WDPCP: variants seen among roughly 807,000 people sequenced by gnomAD.
WDPCP encodes WD repeat containing planar cell polarity effector, also known as WD repeat-containing and planar cell polarity effector protein fritz homolog.
Under a neutral mutation model 93.1 loss-of-function variants are expected in WDPCP, and 71 were observed. The ratio of observed to expected loss-of-function variants is 0.76; its 90% CI spans 0.63 to 0.93. WDPCP has a LOEUF of 0.93. Among genes scored for constraint, WDPCP ranks in the 40% least tolerant of loss-of-function variants. The pLI, the probability that WDPCP is intolerant of heterozygous loss-of-function variation, is 0.00. For missense variants in WDPCP, 844 were observed against 887.4 expected, an observed-to-expected ratio of 0.95 and a Z score of 0.62; for synonymous variants, 315 against 315.0, an observed-to-expected ratio of 1.00 and a Z score of 0.00.
chr2:63,569,900 T>C (rs1195705015), intron 1 of WDPCP, among the ~76,000 whole-genome samples: 1 of 152,192 alleles, frequency 6.6e-6, no homozygotes, highest in Non-Finnish European at 1.5e-5. Flanking sequence ...ACCTTCAGAC[T>C]CTCTCATATG....
chr2:63,132,751 T>G (rs1670373071), intron 17 of WDPCP, among the ~76,000 whole-genome samples: 1 of 152,114 alleles, frequency 6.6e-6, no homozygotes, highest in African/African-American at 2.4e-5. Flanking sequence ...ATTTACCTGA[T>G]TTCCTTTAGG....
At chr2:63,732,569 C>T (rs1002354208) in intron 2 of WDPCP, among the ~76,000 whole-genome samples, 2 of 151,822 alleles carry the variant, frequency 1.3e-5, no homozygotes, top group East Asian at 1.9e-4. Flanking sequence ...AACCTGAGTA[C>T]TATATAAAAA....
intron 1 of WDPCP, among the ~76,000 whole-genome samples, chr2:63,530,909 G>A (rs1484238097): frequency 6.6e-6 from 1 of 152,194 alleles, no homozygotes; most frequent in Non-Finnish European, 1.5e-5. Flanking sequence ...TCCAGGAAGT[G>A]CAAGGGGTTG....
chr2:63,599,148 C>T, intron 3 of WDPCP: 2 of 1,611,402 alleles, frequency 1.2e-6, no homozygotes, highest in Non-Finnish European at 1.7e-6. Flanking sequence ...TGTAACTCTT[C>T]AGTGCCTTCC....
chr2:63,159,666 G>A (rs1672516090), intron 15 of WDPCP, among the ~76,000 whole-genome samples: 1 of 152,152 alleles, frequency 6.6e-6, no homozygotes, highest in Non-Finnish European at 1.5e-5. Context: ...TGTGAGCTAT[G>A]GTATGTCAGT....
chr2:63,573,361 G>C (rs1039584529), intron 1 of WDPCP, among the ~76,000 whole-genome samples: 3 of 152,188 alleles, frequency 2.0e-5, no homozygotes, highest in Non-Finnish European at 4.4e-5. Context: ...AGCCATGGCA[G>C]AAGAATGTGG....
intron 1 of WDPCP, among the ~76,000 whole-genome samples, chr2:63,579,896 T>G (rs759183984): frequency 3.9e-5 from 6 of 152,208 alleles, no homozygotes; most frequent in Non-Finnish European, 8.8e-5. Flanking sequence ...GATTAGGTCA[T>G]GAGGGTTCTG....
At chr2:63,443,716 T>C (rs1306950318) in intron 6 of WDPCP, among the ~76,000 whole-genome samples, 1 of 152,086 alleles carries the variant, frequency 6.6e-6, no homozygotes, top group Non-Finnish European at 1.5e-5. Context: ...ATTGCAGTGG[T>C]TGAGGTGAGA....
intron 3 of WDPCP, chr2:63,604,840 G>A: frequency 6.2e-7 from 1 of 1,614,216 alleles, no homozygotes; most frequent in South Asian, 1.1e-5. Flanking sequence ...AGCTCTGAAA[G>A]ATGACAGCTG....
intron 12 of WDPCP, chr2:63,378,159 G>T (rs1692009447): frequency 3.7e-6 from 2 of 545,392 alleles, no homozygotes; most frequent in Admixed American, 3.1e-5. Flanking sequence ...AAAGAGGAAG[G>T]TATATTAAAA....
chr2:63,606,721 A>G, intron 3 of WDPCP: 1 of 438,328 alleles, frequency 2.3e-6, no homozygotes, highest in Non-Finnish European at 3.7e-6. Flanking sequence ...AGAATTATCT[A>G]TTAATTAAAA....
intron 3 of WDPCP, among the ~76,000 whole-genome samples, chr2:63,634,613 T>C (rs1575735168): frequency 6.6e-6 from 1 of 152,184 alleles, no homozygotes; most frequent in African/African-American, 2.4e-5. Flanking sequence ...GTAGATCATA[T>C]GTCAGGCTAC....
intron 12 of WDPCP, among the ~76,000 whole-genome samples, chr2:63,355,140 C>G (rs1299138260): frequency 1.3e-5 from 2 of 152,094 alleles, no homozygotes; most frequent in Non-Finnish European, 1.5e-5. Flanking sequence ...GACACATAAT[C>G]ATCAGATTTT....
chr2:63,147,227 G>A (rs2103767313), intron 17 of WDPCP, among the ~76,000 whole-genome samples: 1 of 152,226 alleles, frequency 6.6e-6, no homozygotes, highest in African/African-American at 2.4e-5. Flanking sequence ...ACTTAGGTAG[G>A]TTACTTTAGC....
At chr2:63,492,796 C>T (rs958622450) in intron 2 of WDPCP, 60 bp downstream of exon 2, 17 of 1,486,318 alleles carry the variant, frequency 1.1e-5, no homozygotes, top group Admixed American at 3.4e-5. Flanking sequence ...TTTGCTAGTA[C>T]TTATTTATAA....
At chr2:63,181,547 T>A (rs950595091) in intron 14 of WDPCP, among the ~76,000 whole-genome samples, 8 of 152,194 alleles carry the variant, frequency 5.3e-5, no homozygotes, top group African/African-American at 1.9e-4. Context: ...GTTACATTGA[T>A]CTGTATGTCT....
At chr2:63,328,151 G>C (rs1057061279) in intron 12 of WDPCP, among the ~76,000 whole-genome samples, 1 of 152,054 alleles carries the variant, frequency 6.6e-6, no homozygotes, top group African/African-American at 2.4e-5. Flanking sequence ...AGCACTCTGT[G>C]TCTAGCTAAA....
At chr2:63,701,612 T>C (rs968092601) in intron 2 of WDPCP, among the ~76,000 whole-genome samples, 2 of 152,290 alleles carry the variant, frequency 1.3e-5, no homozygotes, top group South Asian at 2.1e-4. Flanking sequence ...TGCCCATTAA[T>C]GGATGAATGG....
intron 12 of WDPCP, among the ~76,000 whole-genome samples, chr2:63,337,642 C>T (rs1688482809): frequency 6.6e-6 from 1 of 152,178 alleles, no homozygotes; most frequent in South Asian, 2.1e-4. Flanking sequence ...AAGAATTCCC[C>T]TTTATCCACA....
Sources: gnomAD v4.1 joint callset for allele counts (sites outside exome capture counted in the v4.1 genomes callset) on GRCh38, gnomAD v4.1.1 for gene constraint, MANE v1.5 for transcripts, NCBI Gene and HGNC (gene_info 2026-07-23, HGNC 2026-07-21) for gene names.